The following COX5A variants were observed in gnomAD, a reference collection of about 807,000 sequenced individuals.
COX5A encodes the protein cytochrome c oxidase subunit 5A, mitochondrial.
A neutral mutation model predicts 16.1 loss-of-function variants in COX5A; 6 were observed. The ratio of observed to expected loss-of-function variants is 0.37; its 90% CI spans 0.20 to 0.73. The LOEUF is 0.73. COX5A is among the 30% of genes least tolerant of loss of function. The pLI is 0.50. For missense variants in COX5A, 159 were observed against 194.9 expected, an observed-to-expected ratio of 0.82 and a Z score of 1.10; for synonymous variants, 73 against 73.8, an observed-to-expected ratio of 0.99 and a Z score of 0.06.
chr15:74,922,643 T>C (rs527946516), intron 4 of COX5A, among the ~76,000 whole-genome samples: 11 of 151,558 alleles, frequency 7.3e-5, no homozygotes, highest in Admixed American at 1.3e-4. Flanking sequence ...GCATGAGCCA[T>C]TGCTGCCAGC....
intron 1 of COX5A, among the ~76,000 whole-genome samples, chr15:74,935,598 C>T (rs1162214623): frequency 6.8e-6 from 1 of 146,680 alleles, no homozygotes; most frequent in East Asian, 2.0e-4. Context: ...GAGACTATCA[C>T]CAAAAAAAAA....
intron 1 of COX5A, among the ~76,000 whole-genome samples, chr15:74,937,455 A>G: frequency 6.6e-6 from 1 of 152,206 alleles, no homozygotes; most frequent in East Asian, 1.9e-4. Flanking sequence ...TAACCGAGAA[A>G]TGCCTGATTG....
chr15:74,937,593 G>C (rs2065397117), intron 1 of COX5A: 1 of 216,404 alleles, frequency 4.6e-6, no homozygotes, highest in African/African-American at 2.3e-5. Context: ...CGGTCAGGTG[G>C]CCGCAGGGTC....
chr15:74,936,098 A>G (rs897684974), intron 1 of COX5A, among the ~76,000 whole-genome samples: 1 of 151,378 alleles, frequency 6.6e-6, no homozygotes, highest in African/African-American at 2.4e-5. Flanking sequence ...CGAAACCAGC[A>G]TGGCCAACAT....
At chr15:74,933,569 A>G (rs1273631856) in intron 1 of COX5A, among the ~76,000 whole-genome samples, 1 of 152,158 alleles carries the variant, frequency 6.6e-6, no homozygotes, top group Non-Finnish European at 1.5e-5. Context: ...CCCTGTCTCA[A>G]AAAAGAAAAA....
At chr15:74,930,449 ACAAAAAAAAC>A (rs1201559511) in intron 1 of COX5A, among the ~76,000 whole-genome samples, 1 of 128,914 alleles carries the variant, frequency 7.8e-6, no homozygotes, top group African/African-American at 2.9e-5. Context: ...AACAACAACA[ACAAAAAAAAC>A]CAAAAAAGCA....
In COX5A at chr15:74,920,453, AAACAC is replaced by A. The variant is rs1299315012; in HGVS notation, c.*10-16_*10-12del. ...CTTGGGGAAGCCCATCTGTAAGAGA[AAACAC>A]AAAGAATTAGCCAGGAAAGAATAAA... is the stretch of plus-strand genomic sequence containing the variant. On this transcript the variant is annotated splice_polypyrimidine_tract_variant and intron_variant, in intron 4 of 4. Coordinates refer to ENST00000322347, the MANE Select transcript of COX5A (RefSeq NM_004255.4). 1 of 689,942 alleles carries A rather than the reference AAACAC, an allele frequency of 1.4e-6. No homozygotes were observed. The highest frequency in any genetic ancestry group is 2.6e-6 in the Non-Finnish European group (1 of 381,824). The allele number at this position is 689,942 out of a possible 1,614,324, so 42.7% of individuals were successfully genotyped here. A position where few individuals can be genotyped will look rare whatever the true frequency, so the allele number is the denominator to read the frequency against.
At chr15:74,923,148 G>C (rs566103666) in intron 4 of COX5A, among the ~76,000 whole-genome samples, 1 of 151,868 alleles carries the variant, frequency 6.6e-6, no homozygotes, top group Non-Finnish European at 1.5e-5. Flanking sequence ...TAATGATGCC[G>C]GGCGCGGTGG....
intron 1 of COX5A, among the ~76,000 whole-genome samples, chr15:74,934,401 G>C (rs1016503687): frequency 1.3e-5 from 2 of 151,040 alleles, no homozygotes; most frequent in Non-Finnish European, 2.9e-5. Flanking sequence ...CGCAATCTCA[G>C]CTCACTGCAA....
At chr15:74,930,675 C>T (rs2065362942) in intron 1 of COX5A, among the ~76,000 whole-genome samples, 1 of 148,088 alleles carries the variant, frequency 6.8e-6, no homozygotes, top group Admixed American at 6.7e-5. Flanking sequence ...GCCCTGGCAC[C>T]ATTCAAGTTC....
At chr15:74,923,545 T>C (rs1672250949) in intron 4 of COX5A, 103 bp downstream of exon 4, 4 of 589,110 alleles carry the variant, frequency 6.8e-6, no homozygotes, top group East Asian at 2.9e-5. Flanking sequence ...GGCCATTACC[T>C]CTAACAAGAA....
chr15:74,931,689 G>T (rs1284108109), intron 1 of COX5A, among the ~76,000 whole-genome samples: 6 of 150,704 alleles, frequency 4.0e-5, no homozygotes, highest in Non-Finnish European at 1.5e-5. Flanking sequence ...GAGTAGCTGA[G>T]ACTACAGGCG....
intron 3 of COX5A, among the ~76,000 whole-genome samples, chr15:74,924,407 C>T (rs183824184): frequency 2.5e-4 from 38 of 152,090 alleles, no homozygotes; most frequent in African/African-American, 8.4e-4. Flanking sequence ...TGTGGTGGCA[C>T]GCCCCTGTAA....
intron 4 of COX5A, 134 bp from the exon 5 acceptor site, chr15:74,920,576 G>A: frequency 1.7e-6 from 1 of 587,464 alleles, no homozygotes; most frequent in Non-Finnish European, 2.9e-6. Context: ...ACTTAATCCT[G>A]CCTACTGTCA....
At chr15:74,927,999 G>T (rs1034456898) in intron 2 of COX5A, among the ~76,000 whole-genome samples, 4 of 152,112 alleles carry the variant, frequency 2.6e-5, no homozygotes, top group Admixed American at 6.6e-5. Flanking sequence ...TAAAATTTAA[G>T]ATTCTCTTAA....
chr15:74,933,958 G>C (rs1442934671), intron 1 of COX5A, among the ~76,000 whole-genome samples: 3 of 152,132 alleles, frequency 2.0e-5, no homozygotes, highest in African/African-American at 7.2e-5. Context: ...ATGTCTTCTG[G>C]AAGCCAAATT....
intron 4 of COX5A, among the ~76,000 whole-genome samples, chr15:74,922,507 T>C (rs1286854021): frequency 3.3e-5 from 5 of 152,066 alleles, no homozygotes; most frequent in Admixed American, 2.6e-4. Flanking sequence ...TTTCTATGTA[T>C]GTATGTATTT....
chr15:74,926,130 C>T (rs1210441252), intron 3 of COX5A, among the ~76,000 whole-genome samples: 1 of 150,770 alleles, frequency 6.6e-6, no homozygotes, highest in African/African-American at 2.4e-5. Context: ...AGCTTTGCCT[C>T]CCGGGTTCAC....
intron 1 of COX5A, among the ~76,000 whole-genome samples, chr15:74,931,394 G>A (rs902004074): frequency 2.0e-5 from 3 of 151,910 alleles, no homozygotes; most frequent in Admixed American, 6.6e-5. Flanking sequence ...TCAGCTACGC[G>A]AGAGACTGAG....
Sources: gnomAD v4.1 joint callset for allele counts (sites outside exome capture counted in the v4.1 genomes callset) on GRCh38, gnomAD v4.1.1 for gene constraint, MANE v1.5 for transcripts, NCBI Gene and HGNC (gene_info 2026-07-23, HGNC 2026-07-21) for gene names.